ZMYND11: variants seen among roughly 807,000 people sequenced by gnomAD.
ZMYND11 encodes the protein zinc finger MYND-type containing 11, also known as zinc finger MYND domain-containing protein 11.
In ZMYND11, 9 loss-of-function variants were observed where a neutral mutation model predicts 84.9. That is an observed-to-expected ratio of 0.11 (90% CI 0.06 to 0.18). ZMYND11 has a LOEUF of 0.18. Among genes scored for constraint, ZMYND11 ranks in the 10% least tolerant of loss-of-function variants. The probability of loss-of-function intolerance (pLI) is 1.00; values close to 1 mark genes in which losing one functional copy is unlikely to be tolerated. For synonymous variants in ZMYND11, 250 were observed against 244.1 expected (o/e 1.02, Z -0.23); for missense variants, 409 against 761.0 (o/e 0.54, Z 5.44).
chr10:152,325 CAT>C (rs1450037046), intron 1 of ZMYND11, among the ~76,000 whole-genome samples: 1 of 152,130 alleles, frequency 6.6e-6, no homozygotes, highest in African/African-American at 2.4e-5. Flanking sequence ...AGACCCATCT[CAT>C]GTGCAGAGAC....
At chr10:212,332 A>T (rs1360380642) in intron 3 of ZMYND11, among the ~76,000 whole-genome samples, 1 of 152,128 alleles carries the variant, frequency 6.6e-6, no homozygotes, top group South Asian at 2.1e-4. Context: ...ATGAAATATT[A>T]TATGTAAACC....
chr10:235,000 GT>G lies in ZMYND11; in HGVS notation c.439-1837del, dbSNP rs1949704319. ...TTCGCAAATGTGTGTGTGTGTGTGT[GT>G]GTGTGTGTGAAAAGCACTGGGGATC... On this transcript the variant is annotated intron_variant, in intron 4 of 14. Coordinates refer to ENST00000381604, the MANE Select transcript of ZMYND11 (RefSeq NM_001370100.5). Among the ~76,000 whole-genome samples the G allele has an allele frequency of 3.3e-5, 5 of 151,972 alleles. No homozygotes were observed. The South Asian group carries it at 1.0e-3, about 32-fold the overall frequency.
At chr10:242,816 T>G (rs1951300822) in intron 10 of ZMYND11, among the ~76,000 whole-genome samples, 1 of 152,196 alleles carries the variant, frequency 6.6e-6, no homozygotes, top group African/African-American at 2.4e-5. Flanking sequence ...TACTTAGTCT[T>G]CATTAATTTA....
chr10:200,878 A>G (rs1163386348), intron 2 of ZMYND11, among the ~76,000 whole-genome samples: 1 of 151,986 alleles, frequency 6.6e-6, no homozygotes, highest in Non-Finnish European at 1.5e-5. Flanking sequence ...ATGTTTTTCC[A>G]TTTTATTGTT....
At chr10:137,164 A>G (rs1025548236) in intron 1 of ZMYND11, among the ~76,000 whole-genome samples, 3 of 152,046 alleles carry the variant, frequency 2.0e-5, no homozygotes, top group African/African-American at 7.2e-5. Flanking sequence ...GTGTGTACCT[A>G]GTACCGAGTG....
chr10:239,994 G>GTAACTTTGAGTCTTGTATTTGC, intron 7 of ZMYND11, 62 bp from the exon 8 acceptor site: 2 of 1,412,672 alleles, frequency 1.4e-6, no homozygotes, highest in Non-Finnish European at 9.8e-7. Context: ...GAAAAGGATA[G>GTAACTTTGAGTCTTGTATTTGC]TAACTTTGAG....
chr10:139,672 G>A (rs192220741), intron 1 of ZMYND11, among the ~76,000 whole-genome samples: 454 of 147,476 alleles, frequency 3.1e-3, no homozygotes, highest in Middle Eastern at 0.029. Context: ...TTACTTACAC[G>A]TACACTGTCC....
intron 2 of ZMYND11, among the ~76,000 whole-genome samples, chr10:192,468 T>G (rs2130931239): frequency 6.6e-6 from 1 of 152,344 alleles, no homozygotes; most frequent in South Asian, 2.1e-4. Flanking sequence ...AATTATTTCC[T>G]TGCTATGGAC....
chr10:222,807 T>C (rs1040390133), intron 4 of ZMYND11, among the ~76,000 whole-genome samples: 18 of 152,122 alleles, frequency 1.2e-4, no homozygotes, highest in Admixed American at 1.2e-3. Context: ...TCTACAGCCA[T>C]TGCTCTTTTG....
chr10:191,535 A>G (rs1940396950), intron 2 of ZMYND11, among the ~76,000 whole-genome samples: 2 of 152,216 alleles, frequency 1.3e-5, no homozygotes, highest in Non-Finnish European at 2.9e-5. Flanking sequence ...GTGCTTCAGG[A>G]TGTATTCTGA....
chr10:240,998 TAACA>T (rs763919847), intron 9 of ZMYND11, 28 bp downstream of exon 9: 59 of 1,543,666 alleles, frequency 3.8e-5, no homozygotes, highest in Non-Finnish European at 4.8e-5. Context: ...CTCAAGTGTG[TAACA>T]TACAGCTCTA....
intron 1 of ZMYND11, among the ~76,000 whole-genome samples, chr10:160,505 C>A (rs553342200): frequency 6.6e-6 from 1 of 152,068 alleles, no homozygotes; most frequent in Non-Finnish European, 1.5e-5. Flanking sequence ...TTTGCCACAT[C>A]GATTGGCTTT....
intron 14 of ZMYND11, chr10:249,300 T>C (rs1048043855): frequency 1.3e-5 from 18 of 1,386,448 alleles, no homozygotes; most frequent in Admixed American, 3.2e-5. Flanking sequence ...TCAGGATTAT[T>C]TTGTTAAATT....
At chr10:160,890 A>G (rs368895999) in intron 1 of ZMYND11, among the ~76,000 whole-genome samples, 6 of 151,214 alleles carry the variant, frequency 4.0e-5, no homozygotes, top group Admixed American at 3.3e-4. Context: ...GAATCACTAT[A>G]TTAGCTTTAG....
chr10:198,179 T>C (rs1458555989), intron 2 of ZMYND11, among the ~76,000 whole-genome samples: 1 of 152,206 alleles, frequency 6.6e-6, no homozygotes, highest in Non-Finnish European at 1.5e-5. Context: ...TAAGTAGTTA[T>C]ATATGTCACA....
At chr10:153,400 C>A (rs1170242721) in intron 1 of ZMYND11, among the ~76,000 whole-genome samples, 2 of 152,132 alleles carry the variant, frequency 1.3e-5, no homozygotes, top group Non-Finnish European at 2.9e-5. Flanking sequence ...TTGTAATTAA[C>A]TTGTTAGGAA....
intron 13 of ZMYND11, 114 bp downstream of exon 13, chr10:248,722 G>A: frequency 1.4e-6 from 2 of 1,408,158 alleles, no homozygotes; most frequent in South Asian, 1.5e-5. Context: ...GCCATATAAT[G>A]ACACCAGTAT....
At chr10:186,642 CAAAAAAAAA>C (rs56345833) in intron 2 of ZMYND11, among the ~76,000 whole-genome samples, 57 of 95,140 alleles carry the variant, frequency 6.0e-4, no homozygotes, top group African/African-American at 2.2e-3. Context: ...AGGACTCTCT[CAAAAAAAAA>C]AAAAAAAAAA....
intron 3 of ZMYND11, among the ~76,000 whole-genome samples, chr10:215,857 C>T (rs1044357843): frequency 2.6e-5 from 4 of 152,094 alleles, no homozygotes; most frequent in Non-Finnish European, 4.4e-5. Context: ...CATGCCTACA[C>T]CTTTTTAAAT....
Sources: allele counts gnomAD v4.1 joint callset (sites outside exome capture counted in the v4.1 genomes callset), GRCh38; gene constraint gnomAD v4.1.1; transcripts MANE v1.5; gene names NCBI Gene and HGNC (gene_info 2026-07-23, HGNC 2026-07-21).